TMEM178B: variants seen among roughly 807,000 people sequenced by gnomAD.
The protein encoded by TMEM178B is transmembrane protein 178B.
In TMEM178B, 5 loss-of-function variants were observed where a neutral mutation model predicts 31.0. That is an observed-to-expected ratio of 0.16 (90% CI 0.08 to 0.34). TMEM178B has a LOEUF of 0.34. TMEM178B is among the 10% of genes least tolerant of loss of function. TMEM178B has a pLI of 1.00. For synonymous variants in TMEM178B, 164 were observed against 164.0 expected, an observed-to-expected ratio of 1.00 and a Z score of 0.00; for missense variants, 275 against 400.3, an observed-to-expected ratio of 0.69 and a Z score of 2.67.
chr7:141,182,503 T>C (rs1796545361), intron 1 of TMEM178B, among the ~76,000 whole-genome samples: 1 of 152,110 alleles, frequency 6.6e-6, no homozygotes, highest in Non-Finnish European at 1.5e-5. Flanking sequence ...CCTCAAACAG[T>C]CCAGTTCTAG....
At chr7:141,201,297 G>A (rs1431038623) in intron 1 of TMEM178B, among the ~76,000 whole-genome samples, 1 of 152,180 alleles carries the variant, frequency 6.6e-6, no homozygotes, top group African/African-American at 2.4e-5. Context: ...ACTGGGCACA[G>A]GAGTGACTGT....
At chr7:141,497,866 G>A in the TMEM178B span, among the ~76,000 whole-genome samples, 100 of 152,308 alleles carry the variant, frequency 6.6e-4, no homozygotes, top group African/African-American at 2.2e-3. Flanking sequence ...AAAGGCTGAC[G>A]GAGCAACTAC....
intron 1 of TMEM178B, among the ~76,000 whole-genome samples, chr7:141,188,337 C>T (rs1796645136): frequency 6.6e-6 from 1 of 152,200 alleles, no homozygotes; most frequent in African/African-American, 2.4e-5. Flanking sequence ...AGGAAATGCT[C>T]ATTGGAGCAT....
At chr7:141,086,780 A>T (rs999637961) in intron 1 of TMEM178B, among the ~76,000 whole-genome samples, 1 of 151,924 alleles carries the variant, frequency 6.6e-6, no homozygotes, top group Admixed American at 6.6e-5. Flanking sequence ...GCTCACTGCA[A>T]CCTCCATCTT....
chr7:141,318,687 G>A lies in TMEM178B; in HGVS notation c.496+105983G>A, dbSNP rs186756649. 6.6e-5 allele frequency among the ~76,000 whole-genome samples: 10 copies of A among 152,266 alleles called. No individual in the cohort carries two copies. The highest frequency in any genetic ancestry group is 5.9e-4 in the Admixed American group (9 of 15,288). On this transcript the variant is annotated intron_variant, in intron 2 of 3. Coordinates refer to ENST00000565468, the MANE Select transcript of TMEM178B (RefSeq NM_001195278.2). The surrounding 1 kb of genome is among the most constrained non-coding windows in gnomAD (Gnocchi z 4.1). The stretch of plus-strand genomic sequence containing the variant: ...CTTAGAATTTTGCTGCTTTAAGTCT[G>A]TCTGATTCACAGCTCATCTTGATCT...
chr7:141,147,875 T>C (rs1038284675), intron 1 of TMEM178B, among the ~76,000 whole-genome samples: 3 of 152,134 alleles, frequency 2.0e-5, no homozygotes, highest in East Asian at 1.9e-4. Flanking sequence ...TAGATGGCAA[T>C]TGAAGCTAGG....
chr7:141,470,581 A>G lies in TMEM178B; in HGVS notation c.680A>G (p.Asn227Ser), dbSNP rs1226727578. 2 of 1,534,250 alleles carry G rather than the reference A, an allele frequency of 1.3e-6. No homozygotes were observed. The change falls in exon 4 of 4, where the codon AAC (asparagine) becomes AGC (serine). Residue 227 changes from asparagine (N) to serine (S), a missense_variant. Coordinates refer to ENST00000565468, the MANE Select transcript of TMEM178B (RefSeq NM_001195278.2). ...CTGTGCACCTGTGTGGCCGGGATCA[A>G]CTTTGAGCTGTCACGCTACCCACGC... is the stretch of plus-strand genomic sequence containing the variant. ...ISLCTCVAGI[N>S]FELSRYPRYL...
At chr7:141,215,042 A>T (rs1378935221) in intron 2 of TMEM178B, among the ~76,000 whole-genome samples, 4 of 152,146 alleles carry the variant, frequency 2.6e-5, no homozygotes, top group African/African-American at 9.7e-5. Context: ...TCACAACTGA[A>T]TTTGGTACTA....
intron 1 of TMEM178B, among the ~76,000 whole-genome samples, chr7:141,187,625 A>T (rs1419641489): frequency 6.6e-6 from 1 of 152,292 alleles, no homozygotes; most frequent in Non-Finnish European, 1.5e-5. Context: ...CTTTTTCATG[A>T]TCGCCATTCT....
At chr7:141,294,366 A>G (rs1798595569) in intron 2 of TMEM178B, among the ~76,000 whole-genome samples, 1 of 152,148 alleles carries the variant, frequency 6.6e-6, no homozygotes, top group Non-Finnish European at 1.5e-5. Context: ...TTATTTTGAG[A>G]CTTAGGATCT....
chr7:141,238,936 C>G (rs1320579577), intron 2 of TMEM178B, among the ~76,000 whole-genome samples: 1 of 152,184 alleles, frequency 6.6e-6, no homozygotes, highest in Non-Finnish European at 1.5e-5. Flanking sequence ...ACCAGCTTCA[C>G]GAGTAGGTTA....
At chr7:141,156,194 A>T (rs1372201718) in intron 1 of TMEM178B, among the ~76,000 whole-genome samples, 1 of 152,224 alleles carries the variant, frequency 6.6e-6, no homozygotes, top group African/African-American at 2.4e-5. Flanking sequence ...TTGCTCTGCC[A>T]ATAACCAGCT....
intron 2 of TMEM178B, among the ~76,000 whole-genome samples, chr7:141,295,437 C>A (rs2116430192): frequency 6.6e-6 from 1 of 152,154 alleles, no homozygotes; most frequent in Admixed American, 6.5e-5. Context: ...CTTGTCTTTT[C>A]CAGGCATTAA....
intron 2 of TMEM178B, among the ~76,000 whole-genome samples, chr7:141,404,275 A>C (rs1412701938): frequency 6.6e-6 from 1 of 152,254 alleles, no homozygotes; most frequent in Non-Finnish European, 1.5e-5. Flanking sequence ...ACTGCACTCC[A>C]GCCTGGGCAA....
chr7:141,350,186 G>T (rs1227108769), intron 2 of TMEM178B, among the ~76,000 whole-genome samples: 4 of 152,034 alleles, frequency 2.6e-5, no homozygotes, highest in African/African-American at 9.7e-5. Flanking sequence ...TGATTACATT[G>T]TAGAGCTCTG....
intron 1 of TMEM178B, among the ~76,000 whole-genome samples, chr7:141,143,700 CT>C (rs1348938659): frequency 6.6e-6 from 1 of 151,860 alleles, no homozygotes; most frequent in South Asian, 2.1e-4. Flanking sequence ...GCTATTCATA[CT>C]TTTTTTTGGG....
At chr7:141,315,026 G>T (rs1798977076) in intron 2 of TMEM178B, among the ~76,000 whole-genome samples, 1 of 152,186 alleles carries the variant, frequency 6.6e-6, no homozygotes. Flanking sequence ...TTCCTGATGT[G>T]CTTCAACCTT....
chr7:141,112,554 G>A (rs549033900), intron 1 of TMEM178B, among the ~76,000 whole-genome samples: 162 of 152,292 alleles, frequency 1.1e-3, no homozygotes, highest in Non-Finnish European at 2.0e-3. Context: ...ACGCCTAACC[G>A]AAGTCTTTTA....
chr7:141,212,867 G>T (rs1021224025), intron 2 of TMEM178B, 163 bp downstream of exon 2: 3 of 550,372 alleles, frequency 5.5e-6, no homozygotes, highest in Non-Finnish European at 9.4e-6. Flanking sequence ...GCCTCAGTTG[G>T]TTTTGATTGC....
Sources: gnomAD v4.1 joint callset for allele counts (sites outside exome capture counted in the v4.1 genomes callset) on GRCh38, gnomAD v4.1.1 for gene constraint, Gnocchi (gnomAD v3.1) non-coding constraint, MANE v1.5 for transcripts, NCBI Gene and HGNC (gene_info 2026-07-23, HGNC 2026-07-21) for gene names.